The following PTPRD variants were observed in gnomAD, a reference collection of about 807,000 sequenced individuals.
PTPRD encodes the protein protein tyrosine phosphatase receptor type D, also known as receptor-type tyrosine-protein phosphatase delta.
PTPRD carries 34 observed loss-of-function variants against 214.5 expected under a neutral mutation model. The ratio of observed to expected loss-of-function variants is 0.16; its 90% confidence interval spans 0.12 to 0.21. PTPRD has a LOEUF of 0.21. PTPRD is among the 10% of genes least tolerant of loss of function. The probability of loss-of-function intolerance (pLI) is 1.00; values close to 1 mark genes in which losing one functional copy is unlikely to be tolerated. For missense variants in PTPRD, 2,545 were observed against 2,398.7 expected (o/e 1.06, Z -1.27); for synonymous variants, 1,128 against 845.7 (o/e 1.33, Z -5.79).
At chr9:9,428,619 C>A (rs537572358) in intron 8 of PTPRD, among the ~76,000 whole-genome samples, 7 of 152,278 alleles carry the variant, frequency 4.6e-5, no homozygotes, top group South Asian at 4.1e-4. Context: ...AGCACCATGT[C>A]GCACTTATTC....
At chr9:9,242,559 T>G (rs1001097090) in intron 9 of PTPRD, among the ~76,000 whole-genome samples, 1 of 152,172 alleles carries the variant, frequency 6.6e-6, no homozygotes, top group Non-Finnish European at 1.5e-5. Flanking sequence ...CTTTTTTCTC[T>G]AAACTTCTCT....
chr9:8,914,557 C>G lies in PTPRD; in HGVS notation c.-104+104140G>C, dbSNP rs114660845. ...GAGATAAATCTGGACCTGAAGCAAG[C>G]TGTAATGATTGGGAACTGTTATAGA... On this transcript the variant is annotated intron_variant, in intron 11 of 45. Coordinates refer to ENST00000381196, the MANE Select transcript of PTPRD (RefSeq NM_002839.4). Among the ~76,000 whole-genome samples the G allele has an allele frequency of 1.5e-3, 222 of 152,144 alleles. 1 individual carries two copies. Among genetic ancestry groups the G allele is most frequent in the African/African-American group, 5.1e-3 (210 of 41,510 alleles).
chr9:9,625,661 T>A (rs2095404261), intron 7 of PTPRD, among the ~76,000 whole-genome samples: 3 of 151,972 alleles, frequency 2.0e-5, no homozygotes, highest in Admixed American at 2.0e-4. Flanking sequence ...CCATTTTGTA[T>A]AACTACGGGA....
intron 11 of PTPRD, among the ~76,000 whole-genome samples, chr9:8,771,061 G>C (rs1599267108): frequency 6.6e-6 from 1 of 151,736 alleles, no homozygotes; most frequent in Non-Finnish European, 1.5e-5. Flanking sequence ...GGCACCTGTA[G>C]TCCCAGCTAC....
At chr9:10,437,328 T>C (rs944346763) in intron 2 of PTPRD, among the ~76,000 whole-genome samples, 2 of 151,854 alleles carry the variant, frequency 1.3e-5, no homozygotes, top group Admixed American at 6.6e-5. Context: ...AATACATATA[T>C]TCAGACTATT....
chr9:10,028,775 G>A (rs559125985), intron 4 of PTPRD, among the ~76,000 whole-genome samples: 1 of 152,298 alleles, frequency 6.6e-6, no homozygotes, highest in South Asian at 2.1e-4. Context: ...GTTTTATAAG[G>A]AAAGCAAAGC....
At chr9:9,613,995 A>G (rs1361529017) in intron 7 of PTPRD, among the ~76,000 whole-genome samples, 3 of 152,196 alleles carry the variant, frequency 2.0e-5, no homozygotes, top group Non-Finnish European at 4.4e-5. Context: ...GTCCTCATCA[A>G]TAATACCTTC....
At chr9:10,028,359 A>G (rs1054901826) in intron 4 of PTPRD, among the ~76,000 whole-genome samples, 9 of 152,150 alleles carry the variant, frequency 5.9e-5, no homozygotes, top group Non-Finnish European at 1.2e-4. Flanking sequence ...GTACCAGTAG[A>G]GTGGAGCGCT....
rs2099968653 is a variant in PTPRD, at chr9:9,238,721, C to A, written c.-202-55358G>T. ...AAATGTCCATGCAATGAGGTATATT[C>A]TAAAACAATTACACAACCTAAGCTT... On this transcript the variant is annotated intron_variant, in intron 9 of 45. Coordinates refer to ENST00000381196, the MANE Select transcript of PTPRD (RefSeq NM_002839.4). Among the ~76,000 whole-genome samples the A allele has an allele frequency of 2.0e-5, 3 of 152,204 alleles. No homozygotes were observed. The South Asian group carries it at 6.2e-4, about 32-fold the overall frequency.
At chr9:9,050,951 T>C (rs996120118) in intron 10 of PTPRD, among the ~76,000 whole-genome samples, 1 of 152,312 alleles carries the variant, frequency 6.6e-6, no homozygotes, top group South Asian at 2.1e-4. Context: ...TCTTGGAAAG[T>C]ATCCCCCATG....
At chr9:9,223,135 C>A (rs970728806) in intron 9 of PTPRD, among the ~76,000 whole-genome samples, 3 of 151,898 alleles carry the variant, frequency 2.0e-5, no homozygotes, top group Non-Finnish European at 4.4e-5. Flanking sequence ...TATAGATCCC[C>A]AGCTTGTTTA....
chr9:9,855,042 A>G (rs1041648332), intron 5 of PTPRD, among the ~76,000 whole-genome samples: 5 of 152,208 alleles, frequency 3.3e-5, no homozygotes, highest in Non-Finnish European at 7.3e-5. Context: ...CATATTTTCA[A>G]GCTTTCCCCA....
intron 7 of PTPRD, among the ~76,000 whole-genome samples, chr9:9,607,852 G>A (rs914080723): frequency 6.6e-6 from 1 of 151,992 alleles, no homozygotes; most frequent in African/African-American, 2.4e-5. Flanking sequence ...AGAAAAAGCT[G>A]TCAGGTGGGT....
rs1247025669 is a variant in PTPRD at position 9,592,519 on chromosome 9, C to T, written c.-286-17738G>A. ...TAACAGTAGGAGAAGGTAATAAAAA[C>T]AGGAAATTATTTAATTTGGGAGAGG... is the stretch of plus-strand genomic sequence containing the variant. On this transcript the variant is annotated intron_variant, in intron 7 of 45. Coordinates refer to ENST00000381196, the MANE Select transcript of PTPRD (RefSeq NM_002839.4). Among the ~76,000 whole-genome samples, 3 of 151,910 alleles carry T rather than the reference C, an allele frequency of 2.0e-5. No homozygotes were observed. The East Asian group carries it at 5.8e-4, about 30-fold the overall frequency.
At chr9:10,256,490 T>A in intron 3 of PTPRD, among the ~76,000 whole-genome samples, 1 of 152,088 alleles carries the variant, frequency 6.6e-6, no homozygotes, top group East Asian at 1.9e-4. Flanking sequence ...TCCATTATAA[T>A]CTTATGGGAC....
At chr9:10,022,406 A>C (rs1589107370) in intron 4 of PTPRD, among the ~76,000 whole-genome samples, 1 of 148,718 alleles carries the variant, frequency 6.7e-6, no homozygotes, top group East Asian at 2.0e-4. Flanking sequence ...ACACACAGTG[A>C]GCAATGAATA....
Position 9,691,906 on chromosome 9 carries a change from G to A in PTPRD, c.-287+42627C>T, listed in dbSNP as rs1003971796. ...TTAAACATTTTTTATATACCTGTTTGCCATTTGTATGCCTTCTTCTGGGAA... is the reference window on the plus strand; with the variant it reads ...TTAAACATTTTTTATATACCTGTTTACCATTTGTATGCCTTCTTCTGGGAA... On this transcript the variant is annotated intron_variant, in intron 7 of 45. Coordinates refer to ENST00000381196, the MANE Select transcript of PTPRD (RefSeq NM_002839.4). Among the ~76,000 whole-genome samples the A allele has an allele frequency of 9.2e-5, 14 of 151,892 alleles. 1 individual carries two copies. Among genetic ancestry groups the A allele is most frequent in the African/African-American group, 3.1e-4 (13 of 41,366 alleles).
At chr9:8,840,508 A>C (rs139881347) in intron 11 of PTPRD, among the ~76,000 whole-genome samples, 21 of 152,194 alleles carry the variant, frequency 1.4e-4, no homozygotes, top group Non-Finnish European at 2.6e-4. Flanking sequence ...GTATGTCTTT[A>C]TTAGCAGTGT....
intron 36 of PTPRD, among the ~76,000 whole-genome samples, chr9:8,400,838 T>C (rs1191246355): frequency 2.0e-5 from 3 of 152,154 alleles, no homozygotes; most frequent in Non-Finnish European, 4.4e-5. Flanking sequence ...CACTAGACTG[T>C]TGTGTACAGC....
Sources: gnomAD v4.1 joint callset for allele counts (sites outside exome capture counted in the v4.1 genomes callset) on GRCh38, gnomAD v4.1.1 for gene constraint, MANE v1.5 for transcripts, NCBI Gene and HGNC (gene_info 2026-07-23, HGNC 2026-07-21) for gene names.